Variants in ANKHD1 observed in about 807,000 individuals in gnomAD.
ANKHD1 encodes the protein ankyrin repeat and KH domain containing 1, also known as ankyrin repeat and KH domain-containing protein 1.
Under a neutral mutation model 230.5 loss-of-function variants are expected in ANKHD1, and 31 were observed. The ratio of observed to expected loss-of-function variants is 0.13; its 90% confidence interval spans 0.10 to 0.18. The LOEUF is 0.18. Ranked by LOEUF, ANKHD1 falls within the 10% of genes least tolerant of loss-of-function variation. ANKHD1 has a pLI of 1.00. For missense variants in ANKHD1, 2,256 were observed against 3,071.3 expected, an observed-to-expected ratio of 0.73 and a Z score of 6.27; for synonymous variants, 1,074 against 1,117.6, an observed-to-expected ratio of 0.96 and a Z score of 0.78.
intron 24 of ANKHD1, among the ~76,000 whole-genome samples, chr5:140,521,623 G>GT (rs899392278): frequency 6.6e-6 from 1 of 152,014 alleles, no homozygotes; most frequent in Non-Finnish European, 1.5e-5. Flanking sequence ...CCACATAAAT[G>GT]TTTTTTTAAA....
chr5:140,490,155 A>G (rs1182508342), intron 14 of ANKHD1, among the ~76,000 whole-genome samples: 1 of 152,034 alleles, frequency 6.6e-6, no homozygotes, highest in Non-Finnish European at 1.5e-5. Flanking sequence ...CTAAGTCCAT[A>G]TATTCTGTGT....
intron 15 of ANKHD1, among the ~76,000 whole-genome samples, chr5:140,501,369 C>T (rs1468667528): frequency 6.6e-6 from 1 of 152,008 alleles, no homozygotes; most frequent in Non-Finnish European, 1.5e-5. Flanking sequence ...TGAGCCACCA[C>T]GCCAACCATA....
At chr5:140,443,648 G>A (rs1162854720) in intron 5 of ANKHD1, among the ~76,000 whole-genome samples, 2 of 150,974 alleles carry the variant, frequency 1.3e-5, no homozygotes, top group Non-Finnish European at 2.9e-5. Flanking sequence ...CCGAGATCGT[G>A]TCGCCTGGGC....
chr5:140,534,373 C>T (rs892753617), intron 29 of ANKHD1, among the ~76,000 whole-genome samples: 3 of 143,060 alleles, frequency 2.1e-5, no homozygotes, highest in Non-Finnish European at 3.0e-5. Context: ...GCCTGGGTGA[C>T]AGAGCAAGAC....
At chr5:140,528,163 C>G in intron 28 of ANKHD1, 21 bp from the exon 29 acceptor site, 1 of 1,417,842 alleles carries the variant, frequency 7.1e-7, no homozygotes, top group Non-Finnish European at 9.2e-7. Context: ...GGTCTTGTTT[C>G]TGTTTTTTTT....
At chr5:140,525,479 C>G (rs1226750140) in intron 25 of ANKHD1, among the ~76,000 whole-genome samples, 1 of 152,112 alleles carries the variant, frequency 6.6e-6, no homozygotes, top group Admixed American at 6.5e-5. Flanking sequence ...CCCAGGAGAT[C>G]TTGAACTCTT....
chr5:140,432,326 G>A (rs1409644061), intron 1 of ANKHD1, among the ~76,000 whole-genome samples: 1 of 152,040 alleles, frequency 6.6e-6, no homozygotes, highest in Non-Finnish European at 1.5e-5. Flanking sequence ...CATATAAATG[G>A]GATCATATAA....
At position 140,485,664 on chromosome 5, in the gene ANKHD1, A is replaced by G; in HGVS notation, c.2074A>G (p.Asn692Asp). 6.2e-7 allele frequency: 1 copy of G among 1,614,098 alleles called. No individual in the cohort carries two copies. Among genetic ancestry groups the G allele is most frequent in the Non-Finnish European group, 8.5e-7 (1 of 1,179,994 alleles). Residue 692 changes from asparagine (N) to aspartate (D), a missense_variant, in exon 13 of 34, where the codon AAT becomes GAT. Physicochemically the swap from Asn to Asp is conservative, Grantham distance 23. Around this residue, in one of 13 missense-constraint regions of ANKHD1, gnomAD observed 23 missense variants for 51.8 expected, o/e 0.44. Coordinates refer to ENST00000360839, the MANE Select transcript of ANKHD1 (RefSeq NM_017747.3). This position sits in a 1 kb window ranked among gnomAD's most constrained non-coding sequence, Gnocchi z 4.8. The part of the protein sequence containing the change: ...NVVSYLLDYP[N>D]NVLSVPTTDV... Reference sequence around the variant, plus strand: ...AGTTTCTTATCTGTTGGATTATCCAAATAATGTTCTGTCAGTTCCCACCAC... The same window carrying G: ...AGTTTCTTATCTGTTGGATTATCCAGATAATGTTCTGTCAGTTCCCACCAC...
chr5:140,471,576 T>G (rs1776499569), intron 10 of ANKHD1, among the ~76,000 whole-genome samples: 1 of 152,212 alleles, frequency 6.6e-6, no homozygotes, highest in Admixed American at 6.5e-5. Flanking sequence ...GGTAGGAAAT[T>G]GGAATGACTT....
At chr5:140,530,148 A>G (rs1233762924) in intron 29 of ANKHD1, among the ~76,000 whole-genome samples, 1 of 152,024 alleles carries the variant, frequency 6.6e-6, no homozygotes, top group African/African-American at 2.4e-5. Context: ...ATTGTTTAAT[A>G]GTACTCTTGT....
chr5:140,454,991 A>G (rs889948663), intron 7 of ANKHD1, among the ~76,000 whole-genome samples: 1 of 152,184 alleles, frequency 6.6e-6, no homozygotes, highest in African/African-American at 2.4e-5. Context: ...AGAAGAAGAG[A>G]GAAGAATCAA....
chr5:140,516,930 C>T (rs1753042043), intron 24 of ANKHD1, among the ~76,000 whole-genome samples: 2 of 151,926 alleles, frequency 1.3e-5, no homozygotes, highest in South Asian at 2.1e-4. Flanking sequence ...ATCAAATTCA[C>T]ACATAACAAT....
In ANKHD1 at chr5:140,485,397, A is replaced by AAC. The variant is rs55859898; in HGVS notation, c.1999-163_1999-162dup. ...CATAAGGAGACCCCATCTCTATTAAAACACACACACACACACACACACACA... is the reference window on the plus strand; with the variant it reads ...CATAAGGAGACCCCATCTCTATTAAAACACACACACACACACACACACACACA... On this transcript the variant is annotated intron_variant, in intron 12 of 33. Transcript: ENST00000360839. The surrounding 1 kb of genome is among the most constrained non-coding windows in gnomAD (Gnocchi z 4.8). 115,930 of 664,076 alleles carry AAC rather than the reference A, an allele frequency of 0.17. 3,729 individuals carry two copies. Among genetic ancestry groups the AAC allele is most frequent in the African/African-American group, 0.22 (11,220 of 51,680 alleles). The allele number at this position is 664,076 out of a possible 1,614,324, so 41.1% of individuals were successfully genotyped here.
rs934557001 is a variant in ANKHD1 at position 140,507,068 on chromosome 5, A to C, written c.3551+91A>C. 6.6e-7 allele frequency: 1 copy of C among 1,526,460 alleles called. No homozygotes were observed. Among genetic ancestry groups the C allele is most frequent in the Non-Finnish European group, 8.7e-7 (1 of 1,144,042 alleles). 94.6% of individuals were successfully genotyped at this position (1,526,460 alleles called of 1,614,324 possible). ...CTTAACGTTTAGACAGATACATTTT[A>C]AATTAAGATAGTACTAAAGTTGCAA... On this transcript the variant is annotated intron_variant, in intron 19 of 33. Transcript: ENST00000360839. This position sits in a 1 kb window ranked among gnomAD's most constrained non-coding sequence, Gnocchi z 4.1.
Position 140,401,877 on chromosome 5 carries a change from T to C in ANKHD1, c.-91T>C. 6.8e-7 allele frequency: 1 copy of C among 1,464,564 alleles called. No individual in the cohort carries two copies. The highest frequency in any genetic ancestry group is 9.0e-7 in the Non-Finnish European group (1 of 1,115,370). The allele number at this position is 1,464,564 out of a possible 1,614,324, so 90.7% of individuals were successfully genotyped here. A position where few individuals can be genotyped will look rare whatever the true frequency, so the allele number is the denominator to read the frequency against. ...TGCTGGGACGGGGGAAAGGAGACGC[T>C]TCTTCCTCTTGCTGCTCTTCTCGTT... On this transcript the variant is annotated 5_prime_UTR_variant, in exon 1 of 34. Transcript: ENST00000360839.
At chr5:140,469,754 C>T (rs987006464) in intron 10 of ANKHD1, among the ~76,000 whole-genome samples, 2 of 151,670 alleles carry the variant, frequency 1.3e-5, no homozygotes, top group African/African-American at 4.8e-5. Context: ...TTAATATTCT[C>T]CTGGTTATAC....
intron 7 of ANKHD1, among the ~76,000 whole-genome samples, chr5:140,456,599 C>T (rs1775211346): frequency 6.6e-6 from 1 of 152,094 alleles, no homozygotes; most frequent in African/African-American, 2.4e-5. Flanking sequence ...CTGAGAAAAG[C>T]AAGAAATGGG....
chr5:140,439,644 TG>T (rs1773705702), intron 3 of ANKHD1, among the ~76,000 whole-genome samples: 1 of 151,974 alleles, frequency 6.6e-6, no homozygotes, highest in Non-Finnish European at 1.5e-5. Flanking sequence ...CATTCCAGCC[TG>T]GGCAACAGAG....
At position 140,537,382 on chromosome 5, in the gene ANKHD1, C is replaced by T. The variant is rs1754134051; in HGVS notation, c.7028-7C>T. On this transcript the variant is annotated splice_polypyrimidine_tract_variant and splice_region_variant and intron_variant, in intron 30 of 33. Coordinates refer to ENST00000360839, the MANE Select transcript of ANKHD1 (RefSeq NM_017747.3). Reference sequence around the variant, plus strand: ...TGTTTCTTCGGGATCATCTTCACCTCTTTCAGCCACTTCTGCCCCACCAAC... The same window carrying T: ...TGTTTCTTCGGGATCATCTTCACCTTTTTCAGCCACTTCTGCCCCACCAAC... The T allele has an allele frequency of 1.2e-6, 2 of 1,613,614 alleles. No homozygotes were observed. Among genetic ancestry groups the T allele is most frequent in the Admixed American group, 3.3e-5 (2 of 59,904 alleles).
Sources: allele counts gnomAD v4.1 joint callset (sites outside exome capture counted in the v4.1 genomes callset), GRCh38; gene constraint gnomAD v4.1.1; regional missense constraint gnomAD v4.1.1; non-coding constraint Gnocchi (gnomAD v3.1); transcripts MANE v1.5; gene names NCBI Gene and HGNC (gene_info 2026-07-23, HGNC 2026-07-21).